SMARCA4: variants seen among roughly 807,000 people sequenced by gnomAD.
The protein encoded by SMARCA4 is SWI/SNF related BAF chromatin remodeling complex subunit ATPase 4, also known as SWI/SNF-related matrix-associated actin-dependent regulator of chromatin subfamily A member 4.
A neutral mutation model predicts 193.9 loss-of-function variants in SMARCA4; 31 were observed. That is an observed-to-expected ratio of 0.16 (90% CI 0.12 to 0.22). The LOEUF (loss-of-function observed/expected upper bound fraction) is 0.22. Ranked by LOEUF, SMARCA4 falls within the 10% of genes least tolerant of loss-of-function variation. SMARCA4 has a pLI of 1.00. For missense variants in SMARCA4, 1,148 were observed against 2,296.0 expected (o/e 0.50, Z 10.22); for synonymous variants, 942 against 933.1 (o/e 1.01, Z -0.17).
In SMARCA4 at chr19:11,052,533, C is replaced by T. The variant is rs186284853; in HGVS notation, c.4425-5722C>T. Among the ~76,000 whole-genome samples, 146 of 152,330 alleles carry T rather than the reference C, an allele frequency of 9.6e-4. 1 individual carries two copies. Among genetic ancestry groups the T allele is most frequent in the African/African-American group, 3.4e-3 (141 of 41,576 alleles). On this transcript the variant is annotated intron_variant, in intron 30 of 34. Coordinates refer to ENST00000344626, the MANE Select transcript of SMARCA4 (RefSeq NM_003072.5). The stretch of plus-strand genomic sequence containing the variant: ...TCTGAGCCAACGGCCCCTACAAACA[C>T]CCACCCTTTCCTCCTGGTAGCCCAG...
At chr19:10,999,954 G>A (rs1290002077) in intron 11 of SMARCA4, among the ~76,000 whole-genome samples, 1 of 152,120 alleles carries the variant, frequency 6.6e-6, no homozygotes, top group Non-Finnish European at 1.5e-5. Flanking sequence ...GGCCGGGTGC[G>A]GTGGCTCATG....
intron 13 of SMARCA4, among the ~76,000 whole-genome samples, chr19:11,005,018 T>G (rs773698325): frequency 4.9e-4 from 75 of 152,140 alleles, no homozygotes; most frequent in Admixed American, 1.2e-3. Flanking sequence ...GTATTTTTAG[T>G]AGAGACAGGG....
intron 30 of SMARCA4, among the ~76,000 whole-genome samples, chr19:11,055,623 T>C (rs2076501661): frequency 6.6e-6 from 1 of 152,104 alleles, no homozygotes; most frequent in Non-Finnish European, 1.5e-5. Flanking sequence ...GCTCTCTGCA[T>C]AGGGAGCCGC....
At chr19:10,994,742 T>C in intron 8 of SMARCA4, 86 bp from the exon 9 acceptor site, 2 of 1,215,736 alleles carry the variant, frequency 1.6e-6, no homozygotes, top group East Asian at 2.3e-5. Flanking sequence ...TACAGGCCAA[T>C]ATTCTAGGTT....
chr19:11,024,008 G>C (rs1473398532), intron 20 of SMARCA4, among the ~76,000 whole-genome samples: 1 of 152,306 alleles, frequency 6.6e-6, no homozygotes, highest in East Asian at 1.9e-4. Flanking sequence ...AGTTCCCACA[G>C]CAAGACCCAT....
Position 11,047,495 on chromosome 19 carries a change from G to A in SMARCA4, c.4424+5935G>A, listed in dbSNP as rs1362429166. Reference sequence around the variant, plus strand: ...ACTATCTTGGCTCACTGTAACCTCTGCCTCCTGGGTTGAAGTGATTCTTCT... The same window carrying A: ...ACTATCTTGGCTCACTGTAACCTCTACCTCCTGGGTTGAAGTGATTCTTCT... On this transcript the variant is annotated intron_variant, in intron 30 of 34. Transcript: ENST00000344626. The A allele has an allele frequency of 2.6e-5, 4 of 150,996 alleles. 1 individual carries two copies. Among genetic ancestry groups the A allele is most frequent in the South Asian group, 4.2e-4 (2 of 4,776 alleles). 9.4% of individuals were successfully genotyped at this position (150,996 alleles called of 1,614,324 possible).
chr19:11,046,794 A>G (rs1427358333), intron 30 of SMARCA4, among the ~76,000 whole-genome samples: 1 of 152,078 alleles, frequency 6.6e-6, no homozygotes, highest in African/African-American at 2.4e-5. Context: ...CGCCTATGCA[A>G]AAAATACAAA....
intron 7 of SMARCA4, 66 bp from the exon 8 acceptor site, chr19:10,991,084 C>T (rs527767038): frequency 1.5e-5 from 24 of 1,601,598 alleles, no homozygotes; most frequent in Admixed American, 7.0e-5. Context: ...CATCACCATA[C>T]GTGTTTGTCA....
intron 1 of SMARCA4, among the ~76,000 whole-genome samples, chr19:10,970,645 A>G: frequency 6.6e-6 from 1 of 152,186 alleles, no homozygotes; most frequent in Non-Finnish European, 1.5e-5. Context: ...GGCCTCAAGC[A>G]GTCCTCCCAC....
intron 21 of SMARCA4, among the ~76,000 whole-genome samples, chr19:11,024,820 C>T (rs983410683): frequency 1.8e-4 from 28 of 152,244 alleles, no homozygotes; most frequent in African/African-American, 5.8e-4. Context: ...CTCTCCTCAC[C>T]AGCAGTGAAA....
chr19:11,061,409 A>G (rs1248190970), intron 34 of SMARCA4, among the ~76,000 whole-genome samples: 1 of 151,378 alleles, frequency 6.6e-6, no homozygotes, highest in Non-Finnish European at 1.5e-5. Flanking sequence ...TCCTGTAGAG[A>G]AACATGAAGT....
At chr19:11,046,588 T>C (rs1456974591) in intron 30 of SMARCA4, among the ~76,000 whole-genome samples, 1 of 152,214 alleles carries the variant, frequency 6.6e-6, no homozygotes, top group Non-Finnish European at 1.5e-5. Flanking sequence ...CGTGGGTCTG[T>C]CCACTCACTG....
chr19:10,965,970 G>GTTTTTT (rs372236923), intron 1 of SMARCA4, among the ~76,000 whole-genome samples: 3 of 78,980 alleles, frequency 3.8e-5, no homozygotes, highest in Admixed American at 1.6e-4. Flanking sequence ...TAGTGGCATG[G>GTTTTTT]TTTTTTTTTT....
In SMARCA4 at chr19:10,963,467, T is replaced by G. The variant is rs10403045; in HGVS notation, c.-32+2293T>G. ...TTAGTTGTTTGAACAGTTTTTGCAC[T>G]TTCCAAGCCATTGTTTCCTGAACCT... On this transcript the variant is annotated intron_variant, in intron 1 of 34. Coordinates refer to ENST00000344626, the MANE Select transcript of SMARCA4 (RefSeq NM_003072.5). 2.6e-3 allele frequency among the ~76,000 whole-genome samples: 398 copies of G among 152,100 alleles called. 1 individual carries two copies. The highest frequency in any genetic ancestry group is 9.2e-3 in the African/African-American group (383 of 41,520).
At position 11,041,047 on chromosome 19, in the gene SMARCA4, T is replaced by A; in HGVS notation, c.4171-260T>A. On this transcript the variant is annotated intron_variant, in intron 29 of 34. Transcript: ENST00000344626. The surrounding 1 kb of genome is among the most constrained non-coding windows in gnomAD (Gnocchi z 5.6). ...TACAGAGAAGATAGTTCTTTTTTTT[T>A]GGTCAAGAAATTCAACCATTAGTTT... The A allele has an allele frequency of 1.9e-6, 1 of 516,002 alleles. No homozygotes were observed. The highest frequency in any genetic ancestry group is 3.6e-5 in the Admixed American group (1 of 28,096). 32.0% of individuals were successfully genotyped at this position (516,002 alleles called of 1,614,324 possible).
intron 29 of SMARCA4, among the ~76,000 whole-genome samples, chr19:11,037,410 T>C (rs778086979): frequency 6.6e-5 from 10 of 152,238 alleles, no homozygotes; most frequent in Admixed American, 1.3e-4. Flanking sequence ...TGATGGCTAA[T>C]GGTGTGGAGT....
At chr19:10,981,306 C>T (rs1197277328) in intron 1 of SMARCA4, among the ~76,000 whole-genome samples, 1 of 152,216 alleles carries the variant, frequency 6.6e-6, no homozygotes, top group Admixed American at 6.5e-5. Flanking sequence ...TAGCTGCAGG[C>T]GCATCCTCCC....
In SMARCA4 at chr19:10,986,694, G is replaced by C. The variant is rs146006594; in HGVS notation, c.760+101G>C. ...TGCTCTGTTGCCGACTGGGTTCCCC[G>C]GTTTGGGATTGCACGGGCCCATACT... On this transcript the variant is annotated intron_variant, in intron 4 of 34. Coordinates refer to ENST00000344626, the MANE Select transcript of SMARCA4 (RefSeq NM_003072.5). The surrounding 1 kb of genome is among the most constrained non-coding windows in gnomAD (Gnocchi z 6.7). 11 of 1,509,434 alleles carry C rather than the reference G, an allele frequency of 7.3e-6. No homozygotes were observed. The highest frequency in any genetic ancestry group is 9.8e-6 in the Non-Finnish European group (11 of 1,126,436). The allele number at this position is 1,509,434 out of a possible 1,614,324, so 93.5% of individuals were successfully genotyped here. A position where few individuals can be genotyped will look rare whatever the true frequency, so the allele number is the denominator to read the frequency against.
chr19:11,035,053 A>G lies in SMARCA4; in HGVS notation c.4091A>G (p.Glu1364Gly), dbSNP rs2075182920. The G allele has an allele frequency of 6.2e-7, 1 of 1,613,008 alleles. No homozygotes were observed. The change falls in exon 29 of 35, where the codon GAG (glutamate) becomes GGG (glycine). Residue 1364 changes from glutamate (E) to glycine (G), a missense_variant. Transcript: ENST00000344626. The part of the protein sequence containing the change: ...VERLTCEEEE[E>G]KMFGRGSRHR... ...CGGCTGACCTGTGAGGAGGAGGAGG[A>G]GAAGATGTTCGGCCGTGGCTCCCGC...
Sources: gnomAD v4.1 joint callset for allele counts (sites outside exome capture counted in the v4.1 genomes callset) on GRCh38, gnomAD v4.1.1 for gene constraint, Gnocchi (gnomAD v3.1) non-coding constraint, MANE v1.5 for transcripts, NCBI Gene and HGNC (gene_info 2026-07-23, HGNC 2026-07-21) for gene names.